CERT1: variants seen among roughly 807,000 people sequenced by gnomAD.
CERT1 encodes the protein ceramide transporter 1.
CERT1 carries 31 observed loss-of-function variants against 87.9 expected under a neutral mutation model. The ratio of observed to expected loss-of-function variants is 0.35; its 90% CI spans 0.27 to 0.48. CERT1 has a LOEUF of 0.48. Among genes scored for constraint, CERT1 ranks in the 20% least tolerant of loss-of-function variants. CERT1 has a pLI of 0.99. For synonymous variants in CERT1, 289 were observed against 250.9 expected, an observed-to-expected ratio of 1.15 and a Z score of -1.44; for missense variants, 487 against 758.0, an observed-to-expected ratio of 0.64 and a Z score of 4.20.
intron 3 of CERT1, among the ~76,000 whole-genome samples, chr5:75,450,536 C>T (rs1764729843): frequency 6.6e-6 from 1 of 152,156 alleles, no homozygotes; most frequent in African/African-American, 2.4e-5. Context: ...AGAACCTTTC[C>T]CGATCCAGGT....
At chr5:75,502,433 A>C (rs540229168) in intron 2 of CERT1, among the ~76,000 whole-genome samples, 1 of 152,230 alleles carries the variant, frequency 6.6e-6, no homozygotes, top group South Asian at 2.1e-4. Context: ...TTCAATAATG[A>C]TTGTAATAAA....
At chr5:75,473,512 C>A (rs61175242) in intron 2 of CERT1, among the ~76,000 whole-genome samples, 11,927 of 152,154 alleles carry the variant, frequency 0.078, 564 homozygotes, top group South Asian at 0.17. Flanking sequence ...TATGTAGAAT[C>A]TTAAAAAAGT....
chr5:75,384,820 G>C, intron 13 of CERT1, 108 bp from the exon 14 acceptor site: 1 of 692,080 alleles, frequency 1.4e-6, no homozygotes, highest in Non-Finnish European at 2.5e-6. Flanking sequence ...AATTGAACAG[G>C]ATCCTGCCCT....
At chr5:75,493,053 T>C (rs1017356607) in intron 2 of CERT1, among the ~76,000 whole-genome samples, 1 of 152,220 alleles carries the variant, frequency 6.6e-6, no homozygotes, top group Non-Finnish European at 1.5e-5. Context: ...ATAACCTCTA[T>C]CGCATTTTCC....
Position 75,378,828 on chromosome 5 carries a change from A to G in CERT1, c.*518T>C, listed in dbSNP as rs1038704972. On this transcript the variant is annotated 3_prime_UTR_variant, in exon 17 of 17. Transcript: ENST00000643780. ...TTCTATAATATCAAAATTTCTTTAC[A>G]TAAGCATTAGAAGAAAAAGGAAACA... 6.6e-6 allele frequency: 1 copy of G among 152,274 alleles called. No homozygotes were observed. The highest frequency in any genetic ancestry group is 1.5e-5 in the Non-Finnish European group (1 of 68,078). The allele number at this position is 152,274 out of a possible 1,614,324, so 9.4% of individuals were successfully genotyped here.
chr5:75,438,675 C>A (rs1030734596), intron 3 of CERT1, among the ~76,000 whole-genome samples: 1 of 152,076 alleles, frequency 6.6e-6, no homozygotes, highest in Non-Finnish European at 1.5e-5. Flanking sequence ...AATATAGTTA[C>A]TATAGGAGTA....
At chr5:75,450,217 C>G (rs1475787758) in intron 3 of CERT1, among the ~76,000 whole-genome samples, 1 of 152,148 alleles carries the variant, frequency 6.6e-6, no homozygotes, top group Non-Finnish European at 1.5e-5. Flanking sequence ...CAAGAGGACC[C>G]AACTAAACCT....
chr5:75,477,956 C>T (rs1444322974), intron 2 of CERT1, among the ~76,000 whole-genome samples: 1 of 152,082 alleles, frequency 6.6e-6, no homozygotes, highest in African/African-American at 2.4e-5. Context: ...TTGATACATT[C>T]ATCTTGACTT....
At chr5:75,393,078 T>C (rs529410815) in intron 11 of CERT1, among the ~76,000 whole-genome samples, 9 of 148,000 alleles carry the variant, frequency 6.1e-5, no homozygotes, top group Non-Finnish European at 7.4e-5. Context: ...AAATTTACCA[T>C]GCTATTAGGC....
intron 9 of CERT1, chr5:75,402,762 T>C: frequency 1.2e-5 from 4 of 335,078 alleles, no homozygotes; most frequent in African/African-American, 6.4e-5. Flanking sequence ...ATCGCGCCAC[T>C]GCATTCTAGC....
chr5:75,382,091 A>G lies in CERT1; in HGVS notation c.1489-14T>C. On this transcript the variant is annotated splice_polypyrimidine_tract_variant and intron_variant, in intron 14 of 16. Transcript: ENST00000643780. ...AGGCCACACCCTCTGTGGAGAAGTA[A>G]AAATCTTTTGAAAAACAGATCTAAC... 1 of 1,606,806 alleles carries G rather than the reference A, an allele frequency of 6.2e-7. No homozygotes were observed. Among genetic ancestry groups the G allele is most frequent in the Non-Finnish European group, 8.5e-7 (1 of 1,176,752 alleles).
intron 11 of CERT1, among the ~76,000 whole-genome samples, chr5:75,396,776 TATAAC>T (rs1467203272): frequency 2.0e-5 from 3 of 150,236 alleles, no homozygotes; most frequent in Admixed American, 6.6e-5. Flanking sequence ...TGCAATGTAA[TATAAC>T]ATAAGTGTTT....
intron 8 of CERT1, among the ~76,000 whole-genome samples, chr5:75,409,550 G>A (rs913247837): frequency 6.6e-6 from 1 of 151,106 alleles, no homozygotes; most frequent in Non-Finnish European, 1.5e-5. Context: ...TTTTTGAGAC[G>A]GAGTCTCGCT....
chr5:75,477,092 C>T (rs190827417), intron 2 of CERT1, among the ~76,000 whole-genome samples: 76 of 152,056 alleles, frequency 5.0e-4, no homozygotes, highest in Middle Eastern at 3.4e-3. Flanking sequence ...GTATGAAAAA[C>T]GGTTGTTTTT....
chr5:75,504,495 T>C (rs1272433763), intron 2 of CERT1, among the ~76,000 whole-genome samples: 2 of 152,296 alleles, frequency 1.3e-5, no homozygotes, highest in Admixed American at 1.3e-4. Flanking sequence ...TAAAAAATAA[T>C]GTAAAAATAC....
intron 2 of CERT1, among the ~76,000 whole-genome samples, chr5:75,499,991 T>C (rs1001884984): frequency 2.0e-5 from 3 of 152,194 alleles, no homozygotes; most frequent in African/African-American, 7.2e-5. Flanking sequence ...GTGGAGTAGG[T>C]TGGACCCCTA....
chr5:75,493,340 G>C (rs956340173), intron 2 of CERT1, among the ~76,000 whole-genome samples: 1 of 152,170 alleles, frequency 6.6e-6, no homozygotes, highest in African/African-American at 2.4e-5. Flanking sequence ...ATGTAAGTAT[G>C]CATCTCTAAA....
rs999957121 is a variant in CERT1 at position 75,400,104 on chromosome 5, T to G, written c.1110+101A>C. The stretch of plus-strand genomic sequence containing the variant: ...CCGAGATCGCGCCACTGCACTCCAC[T>G]CTGGTGACAGAGTGAGACTCCGTCT... On this transcript the variant is annotated intron_variant, in intron 10 of 16. Transcript: ENST00000643780. The G allele has an allele frequency of 2.3e-5, 20 of 886,376 alleles. No homozygotes were observed. In the Admixed American group the frequency reaches 4.6e-4, roughly 20 times the overall value. The allele number at this position is 886,376 out of a possible 1,614,324, so 54.9% of individuals were successfully genotyped here.
Position 75,511,358 on chromosome 5 carries a change from C to CCCGCCGCGCCG in CERT1, c.-162_-152dup, listed in dbSNP as rs1016443351. On this transcript the variant is annotated 5_prime_UTR_variant, in exon 1 of 17. Transcript: ENST00000643780. ...GGAGCAGGAGGAGGGACGAAGTCCG[C>CCCGCCGCGCCG]CCGCCGCGCCGCCGCCGCGCCTGAC... is the stretch of plus-strand genomic sequence containing the variant. 29 of 1,545,100 alleles carry CCCGCCGCGCCG rather than the reference C, an allele frequency of 1.9e-5. No homozygotes were observed. The highest frequency in any genetic ancestry group is 2.2e-5 in the Non-Finnish European group (25 of 1,146,120).
Sources: allele counts gnomAD v4.1 joint callset (sites outside exome capture counted in the v4.1 genomes callset), GRCh38; gene constraint gnomAD v4.1.1; transcripts MANE v1.5; gene names NCBI Gene and HGNC (gene_info 2026-07-23, HGNC 2026-07-21).